Variants in FHIT observed in about 807,000 individuals in gnomAD.
FHIT encodes the protein fragile histidine triad diadenosine triphosphatase.
A neutral mutation model predicts 17.9 loss-of-function variants in FHIT; 19 were observed. The observed-to-expected ratio is 1.06, with a 90% CI of 0.74 to 1.56. The LOEUF (loss-of-function observed/expected upper bound fraction) is 1.56, where lower values mean the gene tolerates loss of function less well. Ranked by LOEUF, FHIT falls within the 40% of genes most tolerant of loss-of-function variation. The pLI is 0.00. For missense variants in FHIT, 248 were observed against 189.2 expected, an observed-to-expected ratio of 1.31 and a Z score of -1.82; for synonymous variants, 81 against 69.7, an observed-to-expected ratio of 1.16 and a Z score of -0.81.
intron 4 of FHIT, among the ~76,000 whole-genome samples, chr3:60,727,041 C>G (rs2041930538): frequency 6.6e-6 from 1 of 152,142 alleles, no homozygotes. Context: ...ACAGAAACAT[C>G]ACTGCATTTC....
intron 5 of FHIT, among the ~76,000 whole-genome samples, chr3:60,308,567 A>G (rs1234339764): frequency 6.7e-6 from 1 of 149,250 alleles, no homozygotes; most frequent in Non-Finnish European, 1.5e-5. Context: ...TTAACGTTAC[A>G]TTGGGTCCCC....
intron 4 of FHIT, among the ~76,000 whole-genome samples, chr3:60,674,244 T>C (rs1623840): frequency 0.86 from 130,733 of 151,782 alleles, 56,526 homozygotes; most frequent in Non-Finnish European, 0.91. Context: ...ATAATATAGA[T>C]TTGTTTCTTT....
chr3:59,878,290 CGTGT>C (rs199720703), intron 8 of FHIT, among the ~76,000 whole-genome samples: 2 of 151,704 alleles, frequency 1.3e-5, no homozygotes, highest in Non-Finnish European at 2.9e-5. Context: ...CTTCCAGGCA[CGTGT>C]GTGTGTGAGT....
chr3:61,214,830 C>G (rs551731126), intron 1 of FHIT, among the ~76,000 whole-genome samples: 13 of 152,334 alleles, frequency 8.5e-5, no homozygotes, highest in African/African-American at 3.1e-4. Flanking sequence ...GGCTTCATCC[C>G]TGGGATGCAA....
At chr3:60,942,820 C>T (rs374035187) in intron 3 of FHIT, among the ~76,000 whole-genome samples, 119 of 152,178 alleles carry the variant, frequency 7.8e-4, no homozygotes, top group East Asian at 5.8e-3. Context: ...CCGTTTCTAA[C>T]GTATACATTT....
At chr3:61,162,692 A>C (rs2037731490) in intron 2 of FHIT, among the ~76,000 whole-genome samples, 1 of 152,248 alleles carries the variant, frequency 6.6e-6, no homozygotes, top group African/African-American at 2.4e-5. Context: ...TGATTCTATG[A>C]GGACTAATTT....
At position 60,600,436 on chromosome 3, in the gene FHIT, C is replaced by T. The variant is rs184805438; in HGVS notation, c.-17-63457G>A. ...AGGATTACAGAATCACACTCCCCAC[C>T]TCCACCCTGCAAGAAACTAATTTTT... On this transcript the variant is annotated intron_variant, in intron 4 of 9. Coordinates refer to ENST00000492590, the MANE Select transcript of FHIT (RefSeq NM_002012.4). Among the ~76,000 whole-genome samples the T allele has an allele frequency of 4.9e-4, 75 of 152,270 alleles. No homozygotes were observed. The Middle Eastern group carries it at 0.014, about 28-fold the overall frequency.
chr3:60,702,648 C>A (rs1312049068), intron 4 of FHIT, among the ~76,000 whole-genome samples: 1 of 152,006 alleles, frequency 6.6e-6, no homozygotes, highest in Non-Finnish European at 1.5e-5. Flanking sequence ...GTCATAAATT[C>A]TCTATGAATA....
At chr3:60,681,480 C>T (rs1050064283) in intron 4 of FHIT, among the ~76,000 whole-genome samples, 3 of 152,160 alleles carry the variant, frequency 2.0e-5, no homozygotes, top group African/African-American at 7.2e-5. Context: ...TCCCATGTCT[C>T]TCCCTGTAGA....
Position 60,975,854 on chromosome 3 carries a change from C to T in FHIT, c.-111+66193G>A, listed in dbSNP as rs1430840330. 2.6e-5 allele frequency among the ~76,000 whole-genome samples: 4 copies of T among 152,104 alleles called. No individual in the cohort carries two copies. The East Asian group carries it at 5.8e-4, about 22-fold the overall frequency. ...CAGTAGCTTACAAGTTGATATAAAA[C>T]ATATAATTTGACATATATTCCACAT... On this transcript the variant is annotated intron_variant, in intron 3 of 9. Coordinates refer to ENST00000492590, the MANE Select transcript of FHIT (RefSeq NM_002012.4).
intron 5 of FHIT, among the ~76,000 whole-genome samples, chr3:60,226,099 G>T (rs1704186573): frequency 6.6e-6 from 1 of 152,152 alleles, no homozygotes; most frequent in Admixed American, 6.5e-5. Flanking sequence ...GGTCTCAGGG[G>T]AATCCATTTG....
chr3:60,973,960 CA>C (rs1396997019), intron 3 of FHIT, among the ~76,000 whole-genome samples: 6 of 152,190 alleles, frequency 3.9e-5, no homozygotes, highest in Non-Finnish European at 7.4e-5. Flanking sequence ...TCTGCTAAGT[CA>C]AATCACCTGT....
chr3:59,981,505 G>A (rs1575811339), intron 7 of FHIT, among the ~76,000 whole-genome samples: 2 of 152,104 alleles, frequency 1.3e-5, no homozygotes, highest in Non-Finnish European at 1.5e-5. Context: ...CAGTGGGGAC[G>A]TGAAAAATTT....
At chr3:60,833,419 G>A (rs1224210366) in intron 3 of FHIT, among the ~76,000 whole-genome samples, 1 of 152,172 alleles carries the variant, frequency 6.6e-6, no homozygotes, top group Non-Finnish European at 1.5e-5. Flanking sequence ...ACAGTGCCAT[G>A]AATTCCTGAC....
chr3:59,798,236 G>A (rs1039132645), intron 8 of FHIT, among the ~76,000 whole-genome samples: 5 of 152,112 alleles, frequency 3.3e-5, no homozygotes, highest in Admixed American at 1.3e-4. Context: ...TTGCACCTAC[G>A]CCGCCCAGCA....
At chr3:60,268,159 C>T (rs1706681196) in intron 5 of FHIT, among the ~76,000 whole-genome samples, 1 of 152,184 alleles carries the variant, frequency 6.6e-6, no homozygotes, top group South Asian at 2.1e-4. Context: ...CGTTAACACC[C>T]TACTGCTTCA....
intron 2 of FHIT, among the ~76,000 whole-genome samples, chr3:61,057,859 A>G (rs967427530): frequency 6.6e-6 from 1 of 152,208 alleles, no homozygotes; most frequent in Non-Finnish European, 1.5e-5. Flanking sequence ...TATGCCAACA[A>G]ATGTAAACAA....
chr3:60,211,880 T>G (rs1335121234), intron 5 of FHIT, among the ~76,000 whole-genome samples: 2 of 152,192 alleles, frequency 1.3e-5, no homozygotes, highest in African/African-American at 4.8e-5. Flanking sequence ...CATGACATCT[T>G]TTTAATGTTC....
intron 3 of FHIT, among the ~76,000 whole-genome samples, chr3:60,924,791 A>C (rs1407680673): frequency 6.6e-6 from 1 of 152,204 alleles, no homozygotes; most frequent in Non-Finnish European, 1.5e-5. Context: ...ACCCATGGCA[A>C]AGAAGTAAAA....
Sources: allele counts gnomAD v4.1 joint callset (sites outside exome capture counted in the v4.1 genomes callset), GRCh38; gene constraint gnomAD v4.1.1; transcripts MANE v1.5; gene names NCBI Gene and HGNC (gene_info 2026-07-23, HGNC 2026-07-21).